COX7B2: variants seen among roughly 807,000 people sequenced by gnomAD.
The protein encoded by COX7B2 is cytochrome c oxidase subunit 7B2, also known as cytochrome c oxidase subunit 7B2, mitochondrial.
For missense variants in COX7B2, 109 were observed against 95.9 expected (o/e 1.14, Z -0.57); for synonymous variants, 37 against 32.1 (o/e 1.15, Z -0.51).
intron 2 of COX7B2, among the ~76,000 whole-genome samples, chr4:46,786,500 G>C (rs1451457602): frequency 6.6e-6 from 1 of 152,060 alleles, no homozygotes; most frequent in East Asian, 1.9e-4. Flanking sequence ...TAAATTCTCT[G>C]GGTGCATTAC....
intron 2 of COX7B2, among the ~76,000 whole-genome samples, chr4:46,824,747 A>C (rs185388732): frequency 3.9e-4 from 59 of 152,300 alleles, no homozygotes; most frequent in Admixed American, 2.1e-3. Context: ...AATAAATGTA[A>C]TTCATTGCAT....
chr4:46,753,885 A>T (rs1271660231), intron 2 of COX7B2, among the ~76,000 whole-genome samples: 1 of 152,166 alleles, frequency 6.6e-6, no homozygotes, highest in Admixed American at 6.5e-5. Flanking sequence ...AAACAACCCC[A>T]TCAACAAGTA....
intron 1 of COX7B2, among the ~76,000 whole-genome samples, chr4:46,855,970 G>A (rs541506436): frequency 5.5e-4 from 84 of 152,116 alleles, no homozygotes; most frequent in African/African-American, 1.6e-3. Flanking sequence ...CTGGCTGGGC[G>A]CGGTGGCTCA....
At chr4:46,905,614 C>T (rs376414839) in intron 1 of COX7B2, among the ~76,000 whole-genome samples, 4 of 152,102 alleles carry the variant, frequency 2.6e-5, no homozygotes, top group African/African-American at 9.7e-5. Context: ...TGAGACATTC[C>T]TGCCTTACAG....
At chr4:46,768,740 G>C (rs201287416) in intron 2 of COX7B2, among the ~76,000 whole-genome samples, 2 of 151,634 alleles carry the variant, frequency 1.3e-5, no homozygotes, top group Non-Finnish European at 2.9e-5. Flanking sequence ...AAAGATGAAA[G>C]AATCAAAAAA....
intron 2 of COX7B2, among the ~76,000 whole-genome samples, chr4:46,803,551 A>T (rs4129827): frequency 0.022 from 3,395 of 152,072 alleles, 117 homozygotes; most frequent in African/African-American, 0.077. Context: ...AGAGTCTCAA[A>T]CTATGTAATT....
At chr4:46,861,139 T>C (rs1433554888) in intron 1 of COX7B2, among the ~76,000 whole-genome samples, 1 of 152,156 alleles carries the variant, frequency 6.6e-6, no homozygotes, top group Non-Finnish European at 1.5e-5. Context: ...AGAGTCCCTC[T>C]CTAGGGGGTT....
At chr4:46,820,837 A>C (rs1208578385) in intron 2 of COX7B2, among the ~76,000 whole-genome samples, 4 of 136,300 alleles carry the variant, frequency 2.9e-5, no homozygotes, top group African/African-American at 1.1e-4. Flanking sequence ...AAAAAAAAAT[A>C]TATATATATA....
chr4:46,861,109 T>C (rs987057148), intron 1 of COX7B2, among the ~76,000 whole-genome samples: 7 of 152,190 alleles, frequency 4.6e-5, no homozygotes, highest in Admixed American at 3.3e-4. Context: ...TTAGTTTCCC[T>C]TCTACGAGTG....
At chr4:46,747,228 C>G (rs1157742097) in intron 2 of COX7B2, among the ~76,000 whole-genome samples, 1 of 152,104 alleles carries the variant, frequency 6.6e-6, no homozygotes, top group Non-Finnish European at 1.5e-5. Flanking sequence ...CCAAAAGACC[C>G]TAGTGTGTGT....
intron 1 of COX7B2, among the ~76,000 whole-genome samples, chr4:46,882,731 A>C (rs1312029819): frequency 6.6e-6 from 1 of 152,114 alleles, no homozygotes; most frequent in Non-Finnish European, 1.5e-5. Flanking sequence ...CTACTGGTTG[A>C]CCCAAATTTT....
intron 2 of COX7B2, among the ~76,000 whole-genome samples, chr4:46,747,924 C>A (rs986894333): frequency 1.3e-5 from 2 of 151,334 alleles, no homozygotes; most frequent in African/African-American, 2.4e-5. Context: ...TCTTTAAGAA[C>A]AAACGTAATT....
intron 1 of COX7B2, among the ~76,000 whole-genome samples, chr4:46,878,002 TAAAG>T (rs1161037592): frequency 6.7e-6 from 1 of 148,720 alleles, no homozygotes; most frequent in Non-Finnish European, 1.5e-5. Flanking sequence ...GATGAATGAA[TAAAG>T]AAATTGTAGT....
chr4:46,753,101 T>A (rs148548405), intron 2 of COX7B2, among the ~76,000 whole-genome samples: 1 of 152,162 alleles, frequency 6.6e-6, no homozygotes, highest in Non-Finnish European at 1.5e-5. Flanking sequence ...CAGAGCCTGT[T>A]ATCGGTCTAT....
intron 1 of COX7B2, among the ~76,000 whole-genome samples, chr4:46,878,203 C>T (rs535537406): frequency 4.0e-5 from 6 of 151,614 alleles, no homozygotes; most frequent in East Asian, 1.9e-4. Context: ...AAAAATTGAT[C>T]AAAGTCATAG....
chr4:46,867,020 T>C (rs1459758421), intron 1 of COX7B2, among the ~76,000 whole-genome samples: 1 of 152,172 alleles, frequency 6.6e-6, no homozygotes, highest in Non-Finnish European at 1.5e-5. Flanking sequence ...TTAATAGCTA[T>C]CTTGTTACTA....
intron 2 of COX7B2, among the ~76,000 whole-genome samples, chr4:46,807,809 C>G (rs1719080338): frequency 6.6e-6 from 1 of 151,722 alleles, no homozygotes; most frequent in South Asian, 2.1e-4. Flanking sequence ...GTCTTCATGT[C>G]CTTGTCTAAA....
intron 1 of COX7B2, among the ~76,000 whole-genome samples, chr4:46,868,448 C>T (rs1422962317): frequency 5.3e-5 from 8 of 152,066 alleles, no homozygotes; most frequent in Non-Finnish European, 1.0e-4. Flanking sequence ...CTAATTCTTT[C>T]AGTTGTGAAG....
intron 1 of COX7B2, among the ~76,000 whole-genome samples, chr4:46,901,922 T>A (rs1042808237): frequency 4.6e-5 from 7 of 152,208 alleles, no homozygotes; most frequent in Non-Finnish European, 1.0e-4. Flanking sequence ...AAGGAGTCCG[T>A]CTGAATAACA....
Sources: allele counts gnomAD v4.1 joint callset (sites outside exome capture counted in the v4.1 genomes callset), GRCh38; gene constraint gnomAD v4.1.1; transcripts MANE v1.5; gene names NCBI Gene and HGNC (gene_info 2026-07-23, HGNC 2026-07-21).